Variants in C1QTNF3 observed in about 807,000 individuals in gnomAD.
The protein encoded by C1QTNF3 is complement C1q tumor necrosis factor-related protein 3.
A neutral mutation model predicts 32.6 loss-of-function variants in C1QTNF3; 26 were observed. The ratio of observed to expected loss-of-function variants is 0.80; its 90% CI spans 0.58 to 1.11. The LOEUF is 1.11. C1QTNF3 is among the 50% of genes least tolerant of loss of function. The probability of loss-of-function intolerance (pLI) is 0.00; values close to 1 mark genes in which losing one functional copy is unlikely to be tolerated. For synonymous variants in C1QTNF3, 155 were observed against 146.0 expected, an observed-to-expected ratio of 1.06 and a Z score of -0.44; for missense variants, 362 against 398.2, an observed-to-expected ratio of 0.91 and a Z score of 0.77.
chr5:34,226,797 C>A, the C1QTNF3 span, among the ~76,000 whole-genome samples: 9 of 151,476 alleles, frequency 5.9e-5, no homozygotes, highest in Admixed American at 4.0e-4. Context: ...TACAATGAAG[C>A]TAGTTACAGA....
At chr5:34,135,151 G>A in the C1QTNF3 span, among the ~76,000 whole-genome samples, 1 of 152,150 alleles carries the variant, frequency 6.6e-6, no homozygotes, top group Non-Finnish European at 1.5e-5. Context: ...TTTGTTGAAG[G>A]TCTTTTCCGC....
chr5:34,175,201 A>G, the C1QTNF3 span, among the ~76,000 whole-genome samples: 1 of 151,648 alleles, frequency 6.6e-6, no homozygotes, highest in African/African-American at 2.4e-5. Flanking sequence ...ACACCACCAC[A>G]CCTAGCTAAT....
the C1QTNF3 span, among the ~76,000 whole-genome samples, chr5:34,175,042 C>G: frequency 6.9e-6 from 1 of 144,960 alleles, no homozygotes; most frequent in Non-Finnish European, 1.5e-5. Context: ...CCACCGTGCC[C>G]AGCTCCTTTT....
At chr5:34,189,691 C>T in the C1QTNF3 span, among the ~76,000 whole-genome samples, 17 of 151,172 alleles carry the variant, frequency 1.1e-4, no homozygotes, top group South Asian at 2.1e-4. Flanking sequence ...AGCGGTTACC[C>T]GGGCACTCTG....
At chr5:34,136,845 T>C in the C1QTNF3 span, among the ~76,000 whole-genome samples, 1 of 152,234 alleles carries the variant, frequency 6.6e-6, no homozygotes, top group African/African-American at 2.4e-5. Flanking sequence ...TCATGTCCTT[T>C]GCAGGGACAT....
chr5:34,124,747 T>C, the C1QTNF3 span, among the ~76,000 whole-genome samples: 1 of 152,210 alleles, frequency 6.6e-6, no homozygotes, highest in East Asian at 1.9e-4. Context: ...GCAGTCTTTA[T>C]ATTCAAGGAC....
chr5:34,232,660 C>T, the C1QTNF3 span, among the ~76,000 whole-genome samples: 2 of 151,188 alleles, frequency 1.3e-5, no homozygotes, highest in East Asian at 4.0e-4. Flanking sequence ...CCTTTGCCTT[C>T]CACCATGATT....
chr5:34,043,122 G>A lies in C1QTNF3; in HGVS notation c.4C>T (p.Leu2Phe). Residue 2 changes from leucine (L) to phenylalanine (F), a missense_variant, in exon 1 of 6, where the codon CTT becomes TTT. By Grantham distance (22) the Leu-to-Phe change is conservative. Transcript: ENST00000382065. ...TGCCAATAGATGAGCTGCCTCCAAA[G>A]CATGATTCTCAACAGAGCCTCAGAG... The part of the protein sequence containing the change: M[L>F]WRQLIYWQLL... The A allele has an allele frequency of 6.2e-7, 1 of 1,611,252 alleles. No homozygotes were observed. The highest frequency in any genetic ancestry group is 8.5e-7 in the Non-Finnish European group (1 of 1,179,424).
At chr5:34,058,076 T>C in the C1QTNF3 span, among the ~76,000 whole-genome samples, 1 of 152,200 alleles carries the variant, frequency 6.6e-6, no homozygotes, top group African/African-American at 2.4e-5. Context: ...CAAGCACGTA[T>C]CTACCACACT....
the C1QTNF3 span, among the ~76,000 whole-genome samples, chr5:34,144,600 T>TA: frequency 6.6e-6 from 1 of 151,230 alleles, no homozygotes. Context: ...TAGAATGCAA[T>TA]AAAAAAAAGA....
chr5:34,134,639 T>A, the C1QTNF3 span, among the ~76,000 whole-genome samples: 1 of 152,216 alleles, frequency 6.6e-6, no homozygotes, highest in Admixed American at 6.5e-5. Flanking sequence ...ATCCTTCACA[T>A]CCCTTGTAAG....
chr5:34,157,276 T>C, the C1QTNF3 span, among the ~76,000 whole-genome samples: 1 of 152,204 alleles, frequency 6.6e-6, no homozygotes, highest in African/African-American at 2.4e-5. Context: ...GTATAAAATA[T>C]GGCTACTGTG....
At chr5:34,213,563 A>G in the C1QTNF3 span, among the ~76,000 whole-genome samples, 1 of 151,156 alleles carries the variant, frequency 6.6e-6, no homozygotes, top group Admixed American at 6.6e-5. Context: ...AGATAATTAC[A>G]TAATAGAATA....
chr5:34,197,430 A>G, the C1QTNF3 span, among the ~76,000 whole-genome samples: 2 of 152,228 alleles, frequency 1.3e-5, no homozygotes, highest in Non-Finnish European at 2.9e-5. Flanking sequence ...ATATAAATGG[A>G]AAGCAAATAA....
At chr5:34,029,780 T>TA (rs1167911710) in intron 3 of C1QTNF3, among the ~76,000 whole-genome samples, 1 of 152,242 alleles carries the variant, frequency 6.6e-6, no homozygotes, top group African/African-American at 2.4e-5. Context: ...AGAAAAAAGA[T>TA]ACTAATTTTA....
the C1QTNF3 span, chr5:34,164,603 A>G: frequency 1.3e-5 from 2 of 151,962 alleles, no homozygotes; most frequent in Admixed American, 1.3e-4. Context: ...GAAGCTACAA[A>G]TATGTTCATT....
chr5:34,124,644 C>T, the C1QTNF3 span: 1 of 472,816 alleles, frequency 2.1e-6, no homozygotes, highest in Non-Finnish European at 3.9e-6. Flanking sequence ...CACACTCCAC[C>T]TCCAACATTG....
At position 34,028,791 on chromosome 5, in the gene C1QTNF3, A is replaced by G; in HGVS notation, c.663T>C (p.Phe221=). The G allele has an allele frequency of 1.9e-6, 3 of 1,612,088 alleles. No homozygotes were observed. The highest frequency in any genetic ancestry group is 2.5e-6 in the Non-Finnish European group (3 of 1,178,994). The change falls in exon 4 of 6, where the codon TTT becomes TTC. Residue 221 remains phenylalanine (F), a synonymous_variant. Transcript: ENST00000382065. ...CCCCAAATCTACCAGTCATGACATC[A>G]AAGAAGTTTCCAATGTTGGTCTCAA... ...SSVETNIGNF[F]DVMTGRFGAP... is the part of the protein sequence containing the mutation.
the C1QTNF3 span, among the ~76,000 whole-genome samples, chr5:34,089,143 T>C: frequency 1.3e-5 from 2 of 152,212 alleles, no homozygotes; most frequent in Non-Finnish European, 2.9e-5. Context: ...AAATCTCTCC[T>C]GATTCTGTGG....
Sources: allele counts gnomAD v4.1 joint callset (sites outside exome capture counted in the v4.1 genomes callset), GRCh38; gene constraint gnomAD v4.1.1; transcripts MANE v1.5; gene names NCBI Gene and HGNC (gene_info 2026-07-23, HGNC 2026-07-21).